ARRB1: variants seen among roughly 807,000 people sequenced by gnomAD.
The protein encoded by ARRB1 is arrestin beta 1.
In ARRB1, 21 loss-of-function variants were observed where a neutral mutation model predicts 56.8. That is an observed-to-expected ratio of 0.37 (90% CI 0.26 to 0.53). The LOEUF is 0.53. Ranked by LOEUF, ARRB1 falls within the 20% of genes least tolerant of loss-of-function variation. ARRB1 has a pLI of 0.88. For missense variants in ARRB1, 424 were observed against 553.7 expected, an observed-to-expected ratio of 0.77 and a Z score of 2.35; for synonymous variants, 210 against 218.6, an observed-to-expected ratio of 0.96 and a Z score of 0.35.
intron 1 of ARRB1, among the ~76,000 whole-genome samples, chr11:75,338,100 G>C (rs993643558): frequency 1.3e-5 from 2 of 152,158 alleles, no homozygotes; most frequent in African/African-American, 4.8e-5. Context: ...TAGCAGTGTG[G>C]TGGGGACAGC....
In ARRB1 at chr11:75,335,065, G is replaced by A. The variant is rs561471161; in HGVS notation, c.20+16523C>T. The A allele has an allele frequency of 3.3e-5, 6 of 179,294 alleles. No homozygotes were observed. In the South Asian group the frequency reaches 7.0e-4, roughly 21 times the overall value. 11.1% of individuals were successfully genotyped at this position (179,294 alleles called of 1,614,324 possible). On this transcript the variant is annotated intron_variant, in intron 1 of 15. Transcript: ENST00000420843. ...AAGGGCCCTGGAGCGTGAAGGGCTG[G>A]AAGCTGAAGCTGCATCAGCCTCATG...
At chr11:75,267,614 G>GCCCC in intron 15 of ARRB1, 38 bp downstream of exon 15, 3 of 1,325,112 alleles carry the variant, frequency 2.3e-6, no homozygotes, top group Non-Finnish European at 3.2e-6. Flanking sequence ...CCCACCCGCG[G>GCCCC]CCCACCCCCG....
At chr11:75,349,606 A>C (rs1947817762) in intron 1 of ARRB1, among the ~76,000 whole-genome samples, 1 of 152,216 alleles carries the variant, frequency 6.6e-6, no homozygotes, top group Admixed American at 6.5e-5. Flanking sequence ...CAGCCTAGGA[A>C]GGACAATGGA....
rs1946748353 is a variant in ARRB1, at chr11:75,296,258, T to G, written c.21-6219A>C. ...TTCAGGTGAATGTGTGTGTACTGAA[T>G]TACAATGTAAAATGAATTTCATGCT... On this transcript the variant is annotated intron_variant, in intron 1 of 15. Transcript: ENST00000420843. 2.6e-5 allele frequency among the ~76,000 whole-genome samples: 4 copies of G among 151,550 alleles called. No homozygotes were observed. In the South Asian group the frequency reaches 8.3e-4, roughly 31 times the overall value.
rs1467587969 is a variant in ARRB1, at chr11:75,271,802, A to G, written c.999-78T>C. On this transcript the variant is annotated intron_variant, in intron 12 of 15. Coordinates refer to ENST00000420843, the MANE Select transcript of ARRB1 (RefSeq NM_004041.5). Reference sequence around the variant, plus strand: ...AAGAAAACAAAAAGCACATTCATTCACCACTTCTGCTGTCCCCCGGATAGA... The same window carrying G: ...AAGAAAACAAAAAGCACATTCATTCGCCACTTCTGCTGTCCCCCGGATAGA... 22 of 1,464,064 alleles carry G rather than the reference A, an allele frequency of 1.5e-5. No individual in the cohort carries two copies. In the Admixed American group the frequency reaches 4.3e-4, roughly 29 times the overall value. 90.7% of individuals were successfully genotyped at this position (1,464,064 alleles called of 1,614,324 possible). A position where few individuals can be genotyped will look rare whatever the true frequency, so the allele number is the denominator to read the frequency against.
intron 1 of ARRB1, among the ~76,000 whole-genome samples, chr11:75,304,746 A>C (rs1016390728): frequency 6.6e-6 from 1 of 151,758 alleles, no homozygotes; most frequent in African/African-American, 2.4e-5. Context: ...AAGGATCTCC[A>C]GACCAAAATG....
At chr11:75,306,122 C>G (rs1947022454) in intron 1 of ARRB1, among the ~76,000 whole-genome samples, 1 of 152,124 alleles carries the variant, frequency 6.6e-6, no homozygotes, top group Non-Finnish European at 1.5e-5. Flanking sequence ...GCTGGAGGCC[C>G]TGGCCACCTG....
At chr11:75,308,617 C>T (rs1158156188) in intron 1 of ARRB1, among the ~76,000 whole-genome samples, 3 of 152,168 alleles carry the variant, frequency 2.0e-5, no homozygotes, top group East Asian at 3.9e-4. Context: ...TGATGGCACA[C>T]ACCTATAATG....
chr11:75,318,877 T>C (rs910099190), intron 1 of ARRB1, among the ~76,000 whole-genome samples: 4 of 151,936 alleles, frequency 2.6e-5, no homozygotes, highest in African/African-American at 9.7e-5. Flanking sequence ...CAAACAATAG[T>C]CAGGCCCTCA....
intron 1 of ARRB1, among the ~76,000 whole-genome samples, chr11:75,340,333 A>C (rs1234018589): frequency 1.3e-5 from 2 of 152,190 alleles, no homozygotes; most frequent in Non-Finnish European, 2.9e-5. Context: ...TACATGGCTC[A>C]CCATTCTACA....
At chr11:75,330,977 C>T (rs1006193453) in intron 1 of ARRB1, among the ~76,000 whole-genome samples, 5 of 152,228 alleles carry the variant, frequency 3.3e-5, no homozygotes, top group African/African-American at 1.2e-4. Flanking sequence ...TCCTGCAGCA[C>T]TTGCATTCCA....
intron 3 of ARRB1, among the ~76,000 whole-genome samples, chr11:75,286,269 T>C: frequency 7.5e-6 from 1 of 132,552 alleles, no homozygotes; most frequent in South Asian, 2.7e-4. Context: ...TTTTTTTTTT[T>C]TTTTTTTTTT....
intron 10 of ARRB1, chr11:75,274,663 A>G (rs2510655): frequency 0.87 from 134,975 of 155,946 alleles, 58,601 homozygotes; most frequent in Admixed American, 0.9. Context: ...ATGGTGGTGG[A>G]CGCCTGTAGT....
chr11:75,285,397 C>G (rs540624054), intron 3 of ARRB1, among the ~76,000 whole-genome samples: 1 of 152,194 alleles, frequency 6.6e-6, no homozygotes, highest in African/African-American at 2.4e-5. Context: ...CTCAGGGTCA[C>G]CCCCTTGGCT....
chr11:75,306,786 C>CATGGCCCGAGAAGCCCGGA, intron 1 of ARRB1: 1 of 733,560 alleles, frequency 1.4e-6, no homozygotes, highest in Non-Finnish European at 1.9e-6. Flanking sequence ...TCTCCTCCTC[C>CATGGCCCGAGAAGCCCGGA]GGGCTTCTCG....
rs879459640 is a variant in ARRB1, at chr11:75,341,088, T to C, written c.20+10500A>G. Among the ~76,000 whole-genome samples the C allele has an allele frequency of 1.2e-3, 184 of 151,558 alleles. 4 individuals are homozygous for C. The highest frequency in any genetic ancestry group is 5.2e-4 in the Non-Finnish European group (35 of 67,866). ...GGGATGAAAGAGGAGGAAGGGGACA[T>C]GGGAGAGGGAAGGAGCTGAGATCCA... On this transcript the variant is annotated intron_variant, in intron 1 of 15. Coordinates refer to ENST00000420843, the MANE Select transcript of ARRB1 (RefSeq NM_004041.5).
chr11:75,272,655 G>A lies in ARRB1; in HGVS notation c.998+240C>T. On this transcript the variant is annotated intron_variant, in intron 12 of 15. Coordinates refer to ENST00000420843, the MANE Select transcript of ARRB1 (RefSeq NM_004041.5). Reference sequence around the variant, plus strand: ...GCCCAGACCTAGGATAGAGGAGGAGGAGAGAGAGAAAGAGATGGGTGGGGG... The same window carrying A: ...GCCCAGACCTAGGATAGAGGAGGAGAAGAGAGAGAAAGAGATGGGTGGGGG... The A allele has an allele frequency of 7.6e-6, 4 of 527,400 alleles. 1 individual carries two copies. The South Asian group carries it at 8.7e-5, about 12-fold the overall frequency. 32.7% of individuals were successfully genotyped at this position (527,400 alleles called of 1,614,324 possible).
chr11:75,284,409 C>T (rs1293451991), intron 3 of ARRB1, 130 bp from the exon 4 acceptor site: 10 of 944,008 alleles, frequency 1.1e-5, no homozygotes, highest in Middle Eastern at 2.3e-4. Flanking sequence ...AATGGAAAGG[C>T]GGGCACCTAG....
intron 1 of ARRB1, among the ~76,000 whole-genome samples, chr11:75,351,333 T>G (rs1947847744): frequency 6.6e-6 from 1 of 152,154 alleles, no homozygotes; most frequent in Admixed American, 6.5e-5. Flanking sequence ...TGCCGGCCAA[T>G]GCTGGGTGTC....
Sources: allele counts gnomAD v4.1 joint callset (sites outside exome capture counted in the v4.1 genomes callset), GRCh38; gene constraint gnomAD v4.1.1; transcripts MANE v1.5; gene names NCBI Gene and HGNC (gene_info 2026-07-23, HGNC 2026-07-21).